SRGAP3: variants seen among roughly 807,000 people sequenced by gnomAD.
SRGAP3 encodes the protein SLIT-ROBO Rho GTPase activating protein 3.
A neutral mutation model predicts 121.1 loss-of-function variants in SRGAP3; 39 were observed. That is an observed-to-expected ratio of 0.32 (90% confidence interval 0.25 to 0.42). SRGAP3 has a LOEUF of 0.42. Among genes scored for constraint, SRGAP3 ranks in the 10% least tolerant of loss-of-function variants. The pLI, the probability that SRGAP3 is intolerant of heterozygous loss-of-function variation, is 1.00. For missense variants in SRGAP3, 1,213 were observed against 1,470.6 expected (o/e 0.82, Z 2.86); for synonymous variants, 601 against 570.0 (o/e 1.05, Z -0.77).
At chr3:9,200,651 T>C (rs1016133337) in intron 1 of SRGAP3, among the ~76,000 whole-genome samples, 10 of 152,170 alleles carry the variant, frequency 6.6e-5, no homozygotes, top group African/African-American at 1.7e-4. Flanking sequence ...AAGGAGTGTG[T>C]GCCTCCCTGG....
At chr3:9,005,652 G>C (rs1465268480) in intron 18 of SRGAP3, among the ~76,000 whole-genome samples, 1 of 152,168 alleles carries the variant, frequency 6.6e-6, no homozygotes, top group Non-Finnish European at 1.5e-5. Flanking sequence ...ACTGTGCTAA[G>C]AGAAAGGCCA....
At chr3:9,099,808 A>C (rs532463873) in intron 3 of SRGAP3, among the ~76,000 whole-genome samples, 7 of 152,228 alleles carry the variant, frequency 4.6e-5, no homozygotes, top group African/African-American at 9.6e-5. Context: ...CCTCCAGGTG[A>C]TCCTGATGCA....
At chr3:9,019,854 G>T (rs1943826152) in intron 14 of SRGAP3, among the ~76,000 whole-genome samples, 1 of 152,170 alleles carries the variant, frequency 6.6e-6, no homozygotes, top group Admixed American at 6.5e-5. Flanking sequence ...CCAGACACAG[G>T]TATCAAATAG....
At chr3:9,040,466 C>T (rs1007523187) in intron 10 of SRGAP3, among the ~76,000 whole-genome samples, 2 of 152,192 alleles carry the variant, frequency 1.3e-5, no homozygotes, top group African/African-American at 4.8e-5. Flanking sequence ...TTGCATGGCT[C>T]ATTTCACCTT....
chr3:9,355,336 T>C (rs868155251), intron 1 of SRGAP3, among the ~76,000 whole-genome samples: 2 of 152,340 alleles, frequency 1.3e-5, no homozygotes, highest in African/African-American at 4.8e-5. Context: ...TCCCTAACAT[T>C]GTCCAGGCAG....
At chr3:9,032,941 T>C (rs1944565961) in intron 11 of SRGAP3, among the ~76,000 whole-genome samples, 189 bp from the exon 12 acceptor site, 1 of 152,054 alleles carries the variant, frequency 6.6e-6, no homozygotes, top group African/African-American at 2.4e-5. Context: ...GACCTTAATT[T>C]ACCCACAATG....
intron 2 of SRGAP3, among the ~76,000 whole-genome samples, chr3:9,329,385 T>A (rs572984704): frequency 6.6e-6 from 1 of 150,546 alleles, no homozygotes; most frequent in African/African-American, 2.5e-5. Flanking sequence ...CCAAGCTGCA[T>A]CATAAAGGAA....
rs947500377 is a variant in SRGAP3, at chr3:8,982,944, C to T, written c.*2575G>A. On this transcript the variant is annotated 3_prime_UTR_variant, in exon 22 of 22. Transcript: ENST00000383836. ...TCAGTAAGAAAAAAACAAAATCAGT[C>T]AATTCAGAGAAAAATCCACACGGTC... The T allele has an allele frequency of 4.4e-6, 1 of 229,110 alleles. No individual in the cohort carries two copies. Among genetic ancestry groups the T allele is most frequent in the Admixed American group, 5.7e-5 (1 of 17,594 alleles). The allele number at this position is 229,110 out of a possible 1,614,324, so 14.2% of individuals were successfully genotyped here. A position where few individuals can be genotyped will look rare whatever the true frequency, so the allele number is the denominator to read the frequency against.
chr3:9,059,984 A>G (rs6443219), intron 6 of SRGAP3: 382,542 of 527,124 alleles, frequency 0.73, 140,903 homozygotes, highest in African/African-American at 0.9. Context: ...TTGGATATAC[A>G]ACTGCCCAAG....
chr3:9,237,546 G>A (rs1953459032), intron 1 of SRGAP3, among the ~76,000 whole-genome samples: 1 of 152,208 alleles, frequency 6.6e-6, no homozygotes, highest in South Asian at 2.1e-4. Flanking sequence ...CTTAAGATGG[G>A]TTAGTCTGCA....
rs1306475614 is a variant in SRGAP3, at chr3:8,990,541, TGTG to T, written c.2854_2856del (p.His952del). On this transcript the variant is annotated inframe_deletion, in exon 21 of 22. Transcript: ENST00000383836. ...GCCAGGGCCTCGGCCTCCAGGGACT[TGTG>T]GTCCCCTAGGCTGCTGTGCCTGGTG... 1 of 1,568,880 alleles carries T rather than the reference TGTG, an allele frequency of 6.4e-7. No individual in the cohort carries two copies. The highest frequency in any genetic ancestry group is 8.6e-7 in the Non-Finnish European group (1 of 1,156,898).
At chr3:9,092,287 G>A (rs2664076) in intron 3 of SRGAP3, among the ~76,000 whole-genome samples, 46,401 of 151,702 alleles carry the variant, frequency 0.31, 7,813 homozygotes, top group South Asian at 0.38. Flanking sequence ...GGATCTCTAC[G>A]GATAATACTA....
At chr3:9,172,081 A>ACTTTT (rs1560333202) in intron 1 of SRGAP3, among the ~76,000 whole-genome samples, 1 of 109,186 alleles carries the variant, frequency 9.2e-6, no homozygotes, top group Non-Finnish European at 2.3e-5. Context: ...TTTCCAAATG[A>ACTTTT]CTTTTTCTTT....
intron 18 of SRGAP3, among the ~76,000 whole-genome samples, chr3:8,999,408 A>G (rs956507095): frequency 6.6e-6 from 1 of 152,150 alleles, no homozygotes; most frequent in Non-Finnish European, 1.5e-5. Flanking sequence ...TTGGACATTT[A>G]TGCTTCTCTA....
intron 2 of SRGAP3, among the ~76,000 whole-genome samples, chr3:9,116,676 T>C (rs574179592): frequency 6.6e-6 from 1 of 152,210 alleles, no homozygotes; most frequent in African/African-American, 2.4e-5. Flanking sequence ...ATGGTCGACA[T>C]GCATGGGTAA....
chr3:9,001,784 T>C (rs1344097927), intron 18 of SRGAP3, among the ~76,000 whole-genome samples: 1 of 152,102 alleles, frequency 6.6e-6, no homozygotes. Flanking sequence ...ATCGATAAAA[T>C]AGACTTTAAA....
chr3:9,227,709 C>T (rs921864007), intron 1 of SRGAP3, among the ~76,000 whole-genome samples: 5 of 152,230 alleles, frequency 3.3e-5, no homozygotes, highest in Non-Finnish European at 5.9e-5. Context: ...ACGGTGGCTA[C>T]GATAGGAATG....
chr3:9,138,932 A>ATCTGTTGG (rs879468450), intron 1 of SRGAP3, among the ~76,000 whole-genome samples: 3,003 of 152,320 alleles, frequency 0.02, 91 homozygotes, highest in African/African-American at 0.065. Context: ...CAGATAAGGA[A>ATCTGTTGG]TACTCAACCT....
intron 3 of SRGAP3, among the ~76,000 whole-genome samples, chr3:9,285,145 T>C (rs1954746109): frequency 6.6e-6 from 1 of 152,202 alleles, no homozygotes; most frequent in African/African-American, 2.4e-5. Context: ...TGTTATCACA[T>C]ACTGGCAATT....
Sources: allele counts gnomAD v4.1 joint callset (sites outside exome capture counted in the v4.1 genomes callset), GRCh38; gene constraint gnomAD v4.1.1; transcripts MANE v1.5; gene names NCBI Gene and HGNC (gene_info 2026-07-23, HGNC 2026-07-21).